The following MYO9A variants were observed in gnomAD, a reference collection of about 807,000 sequenced individuals.
MYO9A encodes the protein unconventional myosin-IXa.
Under a neutral mutation model 293.3 loss-of-function variants are expected in MYO9A, and 103 were observed. That is an observed-to-expected ratio of 0.35 (90% CI 0.30 to 0.41). The LOEUF (loss-of-function observed/expected upper bound fraction) is 0.41. MYO9A is among the 10% of genes least tolerant of loss of function. The probability of loss-of-function intolerance (pLI) is 1.00; values close to 1 mark genes in which losing one functional copy is unlikely to be tolerated. For synonymous variants in MYO9A, 1,001 were observed against 1,035.7 expected (o/e 0.97, Z 0.64); for missense variants, 2,685 against 3,033.0 (o/e 0.89, Z 2.69).
intron 16 of MYO9A, among the ~76,000 whole-genome samples, chr15:71,938,372 T>C (rs1357040386): frequency 6.6e-6 from 1 of 151,958 alleles, no homozygotes; most frequent in African/African-American, 2.4e-5. Flanking sequence ...ACTCATAAAA[T>C]TATTTATATT....
intron 28 of MYO9A, 95 bp downstream of exon 28, chr15:71,883,499 C>T: frequency 1.5e-6 from 2 of 1,304,736 alleles, no homozygotes; most frequent in East Asian, 2.4e-5. Context: ...ATCCAGCCAA[C>T]AGGATTGACA....
intron 27 of MYO9A, among the ~76,000 whole-genome samples, chr15:71,884,975 T>A (rs1388474647): frequency 2.0e-5 from 3 of 149,578 alleles, no homozygotes; most frequent in East Asian, 1.9e-4. Flanking sequence ...TTTTTTTTTT[T>A]TAAAAAAAAG....
At chr15:71,891,717 CA>C (rs1288172951) in intron 26 of MYO9A, 1 of 152,106 alleles carries the variant, frequency 6.6e-6, no homozygotes, top group African/African-American at 2.4e-5. Context: ...TTTATCTAAT[CA>C]GGGGACTTGT....
intron 1 of MYO9A, among the ~76,000 whole-genome samples, chr15:72,047,822 G>A (rs2078435165): frequency 9.7e-6 from 1 of 102,820 alleles, no homozygotes; most frequent in Non-Finnish European, 1.7e-5. Context: ...CTGTCACCCA[G>A]GCTAGAGTAC....
At chr15:72,000,059 A>G in intron 8 of MYO9A, 119 bp from the exon 9 acceptor site, 1 of 680,492 alleles carries the variant, frequency 1.5e-6, no homozygotes, top group Non-Finnish European at 2.3e-6. Context: ...CATAGCAGAG[A>G]AAAAAGGCAA....
intron 1 of MYO9A, among the ~76,000 whole-genome samples, chr15:72,067,845 A>G (rs1200051734): frequency 6.6e-6 from 1 of 152,168 alleles, no homozygotes; most frequent in African/African-American, 2.4e-5. Context: ...AGAAGCTTCA[A>G]ATGTTTACTC....
chr15:71,948,023 C>T (rs567596553), intron 15 of MYO9A, among the ~76,000 whole-genome samples: 2 of 152,180 alleles, frequency 1.3e-5, no homozygotes, highest in African/African-American at 2.4e-5. Context: ...GGAGAGAAGG[C>T]GAGAGCACCA....
At chr15:71,952,468 C>A (rs2059073847) in intron 14 of MYO9A, among the ~76,000 whole-genome samples, 1 of 152,160 alleles carries the variant, frequency 6.6e-6, no homozygotes. Flanking sequence ...CTCTGTACCT[C>A]ATTATCACTT....
intron 1 of MYO9A, among the ~76,000 whole-genome samples, chr15:72,099,909 CAAAAAAAAAAA>C (rs34892673): frequency 2.5e-5 from 1 of 39,818 alleles, no homozygotes; most frequent in African/African-American, 1.3e-4. Flanking sequence ...GACTTGGTCT[CAAAAAAAAAAA>C]AAAAAAAAAA....
intron 1 of MYO9A, among the ~76,000 whole-genome samples, chr15:72,047,921 C>A (rs1440481079): frequency 6.6e-6 from 1 of 151,416 alleles, no homozygotes; most frequent in African/African-American, 2.4e-5. Context: ...CAGGTGTGCG[C>A]CACCTTGCCT....
chr15:71,843,154 C>T (rs1355693726), intron 39 of MYO9A, among the ~76,000 whole-genome samples: 1 of 152,066 alleles, frequency 6.6e-6, no homozygotes, highest in Non-Finnish European at 1.5e-5. Context: ...TTTGGCCAGG[C>T]ATGGTGGCTC....
intron 39 of MYO9A, among the ~76,000 whole-genome samples, chr15:71,842,915 A>ATGTG (rs55982936): frequency 1.3e-4 from 19 of 149,022 alleles, no homozygotes; most frequent in South Asian, 1.1e-3. Flanking sequence ...TTGTGTATGC[A>ATGTG]TGTGTGTGTG....
rs1200263534 is a variant in MYO9A at position 71,822,784 on chromosome 15, A to ATTG, written c.*3793_*3795dup. 1 of 152,224 alleles carries ATTG rather than the reference A, an allele frequency of 6.6e-6. No individual in the cohort carries two copies. The highest frequency in any genetic ancestry group is 1.9e-4 in the East Asian group (1 of 5,202). 9.4% of individuals were successfully genotyped at this position (152,224 alleles called of 1,614,324 possible). On this transcript the variant is annotated 3_prime_UTR_variant, in exon 42 of 42. Transcript: ENST00000356056. Reference sequence around the variant, plus strand: ...GGATGACTAGCAAGGTGACAGGCCCATTGTTGGGGCTTTTTTGAAAATAGT... The same window carrying ATTG: ...GGATGACTAGCAAGGTGACAGGCCCATTGTTGTTGGGGCTTTTTTGAAAATAGT...
chr15:72,032,387 A>G lies in MYO9A; in HGVS notation c.935+107T>C. 5.9e-6 allele frequency: 4 copies of G among 681,570 alleles called. 1 individual carries two copies. Among genetic ancestry groups the G allele is most frequent in the Middle Eastern group, 2.6e-4 (1 of 3,806 alleles). The allele number at this position is 681,570 out of a possible 1,614,324, so 42.2% of individuals were successfully genotyped here. On this transcript the variant is annotated intron_variant, in intron 3 of 41. Coordinates refer to ENST00000356056, the MANE Select transcript of MYO9A (RefSeq NM_006901.4). ...AAAAAGTTGACAGGGAAGAATTTTAATGCTGACACCAATGTCTGGGAATGA... is the reference window on the plus strand; with the variant it reads ...AAAAAGTTGACAGGGAAGAATTTTAGTGCTGACACCAATGTCTGGGAATGA...
intron 6 of MYO9A, among the ~76,000 whole-genome samples, chr15:72,013,954 C>T (rs1052085850): frequency 1.3e-5 from 2 of 152,126 alleles, no homozygotes; most frequent in Admixed American, 6.6e-5. Flanking sequence ...TACAGGCCTA[C>T]ACCACAGCAT....
chr15:72,100,423 C>T (rs1366503285), intron 1 of MYO9A, among the ~76,000 whole-genome samples: 3 of 151,934 alleles, frequency 2.0e-5, no homozygotes, highest in African/African-American at 4.8e-5. Flanking sequence ...GGCCACCCAT[C>T]GTCTGGGATG....
chr15:71,965,189 A>G (rs954143351), intron 13 of MYO9A, among the ~76,000 whole-genome samples: 2 of 151,910 alleles, frequency 1.3e-5, no homozygotes, highest in Admixed American at 6.6e-5. Flanking sequence ...AGTTTTGCTT[A>G]GTTTCTAAAT....
chr15:71,892,787 T>A (rs2057215780), intron 26 of MYO9A: 1 of 272,564 alleles, frequency 3.7e-6, no homozygotes. Flanking sequence ...TGTGGCTTTT[T>A]AAAGTGCCCT....
At chr15:71,994,709 CAAAAT>C in intron 9 of MYO9A, 124 bp from the exon 10 acceptor site, 5 of 583,550 alleles carry the variant, frequency 8.6e-6, no homozygotes, top group African/African-American at 5.7e-5. Flanking sequence ...ATTTTTCTCT[CAAAAT>C]AAAAAATCTA....
Sources: allele counts gnomAD v4.1 joint callset (sites outside exome capture counted in the v4.1 genomes callset), GRCh38; gene constraint gnomAD v4.1.1; transcripts MANE v1.5; gene names NCBI Gene and HGNC (gene_info 2026-07-23, HGNC 2026-07-21).